Variants in EPM2A observed in about 807,000 individuals in gnomAD.
The protein encoded by EPM2A is EPM2A glucan phosphatase, laforin, also known as laforin.
In EPM2A, 21 loss-of-function variants were observed where a neutral mutation model predicts 26.5. The observed-to-expected ratio is 0.79, with a 90% CI of 0.56 to 1.14. EPM2A has a LOEUF of 1.14. Ranked by LOEUF, EPM2A falls within the 50% of genes most tolerant of loss-of-function variation. The probability of loss-of-function intolerance (pLI) is 0.00; values close to 1 mark genes in which losing one functional copy is unlikely to be tolerated. For synonymous variants in EPM2A, 217 were observed against 177.6 expected (o/e 1.22, Z -1.76); for missense variants, 458 against 440.8 (o/e 1.04, Z -0.35).
At chr6:145,451,677 T>C (rs1294865939) in intron 4 of EPM2A, among the ~76,000 whole-genome samples, 1 of 152,250 alleles carries the variant, frequency 6.6e-6, no homozygotes, top group African/African-American at 2.4e-5. Context: ...ATATTGTTGC[T>C]AAATATTTTT....
At chr6:145,534,036 A>C (rs917172681) in intron 2 of EPM2A, among the ~76,000 whole-genome samples, 3 of 152,108 alleles carry the variant, frequency 2.0e-5, no homozygotes, top group African/African-American at 7.2e-5. Context: ...ATTAATTAAA[A>C]TTAAACTATA....
At position 145,461,346 on chromosome 6, in the gene EPM2A, A is replaced by G. The variant is rs1368197222; in HGVS notation, c.555+41176T>C. ...AGTCAGGATTGGAGAATGTATGTGC[A>G]TAACAGGCAGTTGGGAGATTTTCAC... On this transcript the variant is annotated intron_variant, in intron 4 of 4. Transcript: ENST00000638717. 3.9e-5 allele frequency among the ~76,000 whole-genome samples: 6 copies of G among 152,200 alleles called. No individual in the cohort carries two copies. In the East Asian group the frequency reaches 1.2e-3, roughly 29 times the overall value.
intron 4 of EPM2A, among the ~76,000 whole-genome samples, chr6:145,423,789 C>G (rs933690796): frequency 1.3e-5 from 2 of 152,190 alleles, no homozygotes; most frequent in African/African-American, 4.8e-5. Flanking sequence ...CTCCGTAGTT[C>G]CTACATGTTC....
chr6:145,407,412 C>T (rs1778583514), intron 4 of EPM2A, among the ~76,000 whole-genome samples: 1 of 152,026 alleles, frequency 6.6e-6, no homozygotes, highest in Non-Finnish European at 1.5e-5. Context: ...TAAAATTAGC[C>T]ATACAATTTA....
At chr6:145,708,704 G>A (rs1399337343) in intron 1 of EPM2A, among the ~76,000 whole-genome samples, 1 of 152,328 alleles carries the variant, frequency 6.6e-6, no homozygotes, top group African/African-American at 2.4e-5. Context: ...CTAGGGCAGT[G>A]CAGAAGAAAA....
chr6:145,401,572 T>C (rs1486377933), intron 4 of EPM2A, among the ~76,000 whole-genome samples: 1 of 152,166 alleles, frequency 6.6e-6, no homozygotes, highest in Admixed American at 6.6e-5. Flanking sequence ...TGAGGCTTAA[T>C]GAAATTTAAG....
chr6:145,631,844 G>A (rs962957783), intron 3 of EPM2A: 7 of 135,582 alleles, frequency 5.2e-5, no homozygotes, highest in African/African-American at 2.2e-4. Context: ...GCAGCTTTCA[G>A]CCTTTCTCTC....
At chr6:145,546,300 G>C (rs1780582317) in intron 2 of EPM2A, among the ~76,000 whole-genome samples, 1 of 152,162 alleles carries the variant, frequency 6.6e-6, no homozygotes. Context: ...GAAGGTGGAA[G>C]AAGATAGGTA....
chr6:145,397,011 T>G (rs1856263), intron 4 of EPM2A, among the ~76,000 whole-genome samples: 57,046 of 152,096 alleles, frequency 0.38, 10,956 homozygotes, highest in South Asian at 0.45. Flanking sequence ...AGCAGACTGA[T>G]GAAATCATTA....
chr6:145,732,409 CACATAT>C (rs61268591), intron 1 of EPM2A, among the ~76,000 whole-genome samples: 69,964 of 143,896 alleles, frequency 0.49, 16,949 homozygotes, highest in East Asian at 0.64. Context: ...AACACACACA[CACATAT>C]ATATATATAT....
intron 2 of EPM2A, among the ~76,000 whole-genome samples, chr6:145,614,557 T>C (rs1456155968): frequency 6.6e-6 from 1 of 152,234 alleles, no homozygotes; most frequent in Non-Finnish European, 1.5e-5. Flanking sequence ...GTAAGAGACA[T>C]GCAACTCTTC....
intron 2 of EPM2A, among the ~76,000 whole-genome samples, chr6:145,673,120 T>C (rs1446010368): frequency 1.3e-5 from 2 of 151,906 alleles, no homozygotes; most frequent in Non-Finnish European, 2.9e-5. Context: ...AAGAAATTTG[T>C]TTTTAAAATT....
At chr6:145,529,775 G>A (rs896787321) in intron 2 of EPM2A, among the ~76,000 whole-genome samples, 2 of 152,106 alleles carry the variant, frequency 1.3e-5, no homozygotes, top group Non-Finnish European at 2.9e-5. Flanking sequence ...TACTGCTCAG[G>A]CCATTCAAGC....
intron 4 of EPM2A, among the ~76,000 whole-genome samples, chr6:145,467,965 T>C (rs1451309127): frequency 6.6e-6 from 1 of 152,098 alleles, no homozygotes; most frequent in Non-Finnish European, 1.5e-5. Flanking sequence ...TTCAGTTTAT[T>C]TTCTTGGGTT....
intron 2 of EPM2A, chr6:145,639,360 C>T (rs979703596): frequency 2.0e-5 from 3 of 152,166 alleles, no homozygotes; most frequent in African/African-American, 7.2e-5. Flanking sequence ...ATTCAAGTCA[C>T]ATGAGGTACT....
At chr6:145,644,852 A>T (rs1431914996) in intron 2 of EPM2A, among the ~76,000 whole-genome samples, 4 of 152,106 alleles carry the variant, frequency 2.6e-5, no homozygotes, top group Non-Finnish European at 5.9e-5. Flanking sequence ...TCCTTAAATT[A>T]CCCAAGGATC....
chr6:145,516,889 T>G (rs1192098786), intron 2 of EPM2A, among the ~76,000 whole-genome samples: 1 of 152,212 alleles, frequency 6.6e-6, no homozygotes, highest in Non-Finnish European at 1.5e-5. Context: ...AAGAAATATC[T>G]GCACTTTCAT....
At chr6:145,447,914 A>T (rs1779146622) in intron 4 of EPM2A, among the ~76,000 whole-genome samples, 1 of 152,088 alleles carries the variant, frequency 6.6e-6, no homozygotes, top group Admixed American at 6.6e-5. Context: ...TAAGGCTTGA[A>T]TTCATATATT....
intron 1 of EPM2A, among the ~76,000 whole-genome samples, chr6:145,730,890 G>A (rs754719044): frequency 6.6e-6 from 1 of 152,124 alleles, no homozygotes; most frequent in Admixed American, 6.5e-5. Context: ...GCCTGGAGAG[G>A]AGTTGAAAGA....
Sources: gnomAD v4.1 joint callset for allele counts (sites outside exome capture counted in the v4.1 genomes callset) on GRCh38, gnomAD v4.1.1 for gene constraint, MANE v1.5 for transcripts, NCBI Gene and HGNC (gene_info 2026-07-23, HGNC 2026-07-21) for gene names.